KANSL3: variants seen among roughly 807,000 people sequenced by gnomAD.
KANSL3 encodes the protein KAT8 regulatory NSL complex subunit 3.
A neutral mutation model predicts 89.2 loss-of-function variants in KANSL3; 16 were observed. The observed-to-expected ratio is 0.18, with a 90% CI of 0.12 to 0.27. The LOEUF (loss-of-function observed/expected upper bound fraction) is 0.27. Ranked by LOEUF, KANSL3 falls within the 10% of genes least tolerant of loss-of-function variation. The pLI is 1.00. For synonymous variants in KANSL3, 385 were observed against 419.7 expected (o/e 0.92, Z 1.01); for missense variants, 879 against 1,110.6 (o/e 0.79, Z 2.96).
At chr2:96,609,843 T>C (rs2068594872) in intron 11 of KANSL3, among the ~76,000 whole-genome samples, 1 of 146,804 alleles carries the variant, frequency 6.8e-6, no homozygotes, top group African/African-American at 2.5e-5. Flanking sequence ...TTCCTATACC[T>C]ATAGCTTAAT....
At chr2:96,581,222 G>A in the KANSL3 span, among the ~76,000 whole-genome samples, 315 of 152,274 alleles carry the variant, frequency 2.1e-3, 1 homozygote, top group African/African-American at 7.1e-3. Context: ...TAAGGAGCTC[G>A]AGACCAGCCT....
chr2:96,618,105 C>T (rs1360270512), intron 5 of KANSL3, among the ~76,000 whole-genome samples: 1 of 151,060 alleles, frequency 6.6e-6, no homozygotes, highest in Non-Finnish European at 1.5e-5. Flanking sequence ...TTATAGCAAG[C>T]AATGATAGTG....
At chr2:96,628,393 A>T (rs2072777423) in intron 3 of KANSL3, 1 of 351,172 alleles carries the variant, frequency 2.8e-6, no homozygotes, top group African/African-American at 2.2e-5. Context: ...GCTCACACCT[A>T]TAATCCTAGC....
At position 96,602,292 on chromosome 2, in the gene KANSL3, A is replaced by G; in HGVS notation, c.2306T>C (p.Ile769Thr). ...GACAATGGTGCTGGTGCCCGTGGTG[A>G]TGGCACCCAGGCTCTGCATGGGGGT... Reference protein sequence around the residue: ...LPTPMQSLGAITTGTSTIVRT... With the variant: ...LPTPMQSLGATTTGTSTIVRT... The change falls in exon 19 of 21, where the codon ATC becomes ACC. Residue 769 changes from isoleucine (I) to threonine (T), a missense_variant. Around this residue, in one of 6 missense-constraint regions of KANSL3, gnomAD observed 89 missense variants for 139.7 expected, o/e 0.64. Transcript: ENST00000431828. The G allele has an allele frequency of 6.2e-7, 1 of 1,612,364 alleles. No individual in the cohort carries two copies. Among genetic ancestry groups the G allele is most frequent in the Non-Finnish European group, 8.5e-7 (1 of 1,179,392 alleles).
rs532341298 is a variant in KANSL3, at chr2:96,593,890, G to C, written c.*1721C>G. On this transcript the variant is annotated 3_prime_UTR_variant, in exon 21 of 21. Coordinates refer to ENST00000431828, the MANE Select transcript of KANSL3 (RefSeq NM_001115016.3). ...CCTCCAGATTTCATACCTTCCTCAA[G>C]TTTACTAAATACTTTCTGAATTTAA... The C allele has an allele frequency of 6.6e-6, 1 of 152,500 alleles. No homozygotes were observed. The highest frequency in any genetic ancestry group is 2.1e-4 in the South Asian group (1 of 4,836). 9.4% of individuals were successfully genotyped at this position (152,500 alleles called of 1,614,324 possible).
At chr2:96,598,060 T>C (rs899327711) in intron 20 of KANSL3, 3 of 981,124 alleles carry the variant, frequency 3.1e-6, no homozygotes, top group African/African-American at 3.5e-5. Context: ...GCCCAGGCCA[T>C]GGCAAGCTGA....
chr2:96,601,193 G>A (rs1399323757), intron 20 of KANSL3: 23 of 472,390 alleles, frequency 4.9e-5, no homozygotes, highest in Non-Finnish European at 6.4e-5. Context: ...GCTTGAACCG[G>A]GGAGGTGGAG....
At position 96,636,845 on chromosome 2, in the gene KANSL3, G is replaced by A. The variant is rs1208247566; in HGVS notation, c.215+76C>T. ...CATACAATCTCCCCCAGTCAATCCTGAGAAAATCCTCTCTAAATTCCCATC... is the reference window on the plus strand; with the variant it reads ...CATACAATCTCCCCCAGTCAATCCTAAGAAAATCCTCTCTAAATTCCCATC... On this transcript the variant is annotated intron_variant, in intron 2 of 20. Transcript: ENST00000431828. The A allele has an allele frequency of 2.4e-6, 3 of 1,242,148 alleles. No homozygotes were observed. In the East Asian group the frequency reaches 7.7e-5, roughly 32 times the overall value. The allele number at this position is 1,242,148 out of a possible 1,614,324, so 76.9% of individuals were successfully genotyped here.
At position 96,637,311 on chromosome 2, in the gene KANSL3, C is replaced by A. The variant is rs552565810; in HGVS notation, c.-50-126G>T. ...ATTGAGTATCCATTTCACGGCAGAC[C>A]TCTGGTGGGGACGGTTCGTGGAATC... On this transcript the variant is annotated intron_variant, in intron 1 of 20. Transcript: ENST00000431828. The A allele has an allele frequency of 3.1e-4, 168 of 544,056 alleles. 1 individual carries two copies. The highest frequency in any genetic ancestry group is 1.7e-4 in the Non-Finnish European group (54 of 309,062). 33.7% of individuals were successfully genotyped at this position (544,056 alleles called of 1,614,324 possible).
intron 16 of KANSL3, 105 bp from the exon 17 acceptor site, chr2:96,604,485 G>T (rs1180338333): frequency 1.1e-5 from 14 of 1,327,298 alleles, no homozygotes; most frequent in Non-Finnish European, 1.4e-5. Flanking sequence ...TTCAGCAGCA[G>T]ACATACACCA....
At position 96,602,800 on chromosome 2, in the gene KANSL3, T is replaced by C. The variant is rs749327011; in HGVS notation, c.2212A>G (p.Lys738Glu). The stretch of plus-strand genomic sequence containing the variant: ...GGATTTGCTGGAAGGCCAGAGGTCT[T>C]GCTGCTGATATCCTGCAAGCTGAAG... The part of the protein sequence containing the change: ...LSFSLQDISS[K>E]TSGLPANPSP... Residue 738 changes from lysine (K) to glutamate (E), a missense_variant, in exon 18 of 21, where the codon AAG (lysine) becomes GAG (glutamate). Transcript: ENST00000431828. The C allele has an allele frequency of 6.2e-7, 1 of 1,612,112 alleles. No homozygotes were observed. The highest frequency in any genetic ancestry group is 8.5e-7 in the Non-Finnish European group (1 of 1,178,928).
chr2:96,604,455 G>C, intron 16 of KANSL3, 75 bp from the exon 17 acceptor site: 2 of 1,531,794 alleles, frequency 1.3e-6, no homozygotes, highest in Non-Finnish European at 1.8e-6. Context: ...GCAGGGTACA[G>C]AGTGGGGCCC....
intron 3 of KANSL3, among the ~76,000 whole-genome samples, chr2:96,627,220 C>CTT (rs34224817): frequency 1.0e-4 from 15 of 145,604 alleles, no homozygotes; most frequent in African/African-American, 3.0e-4. Context: ...GAACATGCTT[C>CTT]TTTTTTTTTT....
At position 96,605,530 on chromosome 2, in the gene KANSL3, T is replaced by G. The variant is rs752580691; in HGVS notation, c.1742-19A>C. On this transcript the variant is annotated intron_variant, in intron 14 of 20. Coordinates refer to ENST00000431828, the MANE Select transcript of KANSL3 (RefSeq NM_001115016.3). ...ATGGGAACTAAGACATGGAGCTGAGTTGAGATCCTCCACAATCCAAAAAAT... is the reference window on the plus strand; with the variant it reads ...ATGGGAACTAAGACATGGAGCTGAGGTGAGATCCTCCACAATCCAAAAAAT... 1.9e-6 allele frequency: 3 copies of G among 1,604,596 alleles called. No homozygotes were observed. Among genetic ancestry groups the G allele is most frequent in the Non-Finnish European group, 2.6e-6 (3 of 1,172,466 alleles).
rs752402494 is a variant in KANSL3 at position 96,631,309 on chromosome 2, T to C, written c.386+3A>G. ...GTGATCATCCTCCTGATGAGCAGCC[T>C]ACCTGTTGACATGCTCCTCCCAGTC... On this transcript the variant is annotated splice_donor_region_variant and intron_variant, in intron 3 of 20. Transcript: ENST00000431828. 39 of 1,606,842 alleles carry C rather than the reference T, an allele frequency of 2.4e-5. No homozygotes were observed. Among genetic ancestry groups the C allele is most frequent in the Non-Finnish European group, 3.2e-5 (38 of 1,173,564 alleles).
At chr2:96,601,820 C>T (rs1030824349) in intron 19 of KANSL3, 44 bp from the exon 20 acceptor site, 6 of 1,513,378 alleles carry the variant, frequency 4.0e-6, no homozygotes, top group Non-Finnish European at 4.4e-6. Flanking sequence ...TCACACTCTC[C>T]ACCTTCTACT....
intron 3 of KANSL3, among the ~76,000 whole-genome samples, chr2:96,624,076 A>G (rs922721463): frequency 6.6e-6 from 1 of 152,154 alleles, no homozygotes; most frequent in Non-Finnish European, 1.5e-5. Context: ...TTGTGGTTTG[A>G]TATTCAGAGA....
intron 20 of KANSL3, among the ~76,000 whole-genome samples, chr2:96,599,256 A>T (rs2066858835): frequency 6.6e-6 from 1 of 152,230 alleles, no homozygotes; most frequent in African/African-American, 2.4e-5. Flanking sequence ...AAGGAATTAA[A>T]GGAAACAAGC....
At chr2:96,622,176 C>T (rs1466663758) in intron 3 of KANSL3, among the ~76,000 whole-genome samples, 1 of 151,670 alleles carries the variant, frequency 6.6e-6, no homozygotes, top group East Asian at 1.9e-4. Flanking sequence ...ATAATCCCAG[C>T]ACTTTGGGAG....
Sources: allele counts gnomAD v4.1 joint callset (sites outside exome capture counted in the v4.1 genomes callset), GRCh38; gene constraint gnomAD v4.1.1; regional missense constraint gnomAD v4.1.1; transcripts MANE v1.5; gene names NCBI Gene and HGNC (gene_info 2026-07-23, HGNC 2026-07-21).